Variants in DRGX observed in about 807,000 individuals in gnomAD.
DRGX encodes dorsal root ganglia homeobox protein.
In DRGX, 21 loss-of-function variants were observed where a neutral mutation model predicts 28.6. That is an observed-to-expected ratio of 0.73 (90% CI 0.52 to 1.06). The LOEUF is 1.06. Ranked by LOEUF, DRGX falls within the 50% of genes least tolerant of loss-of-function variation. The probability of loss-of-function intolerance (pLI) is 0.00; values close to 1 mark genes in which losing one functional copy is unlikely to be tolerated. For synonymous variants in DRGX, 136 were observed against 139.1 expected, an observed-to-expected ratio of 0.98 and a Z score of 0.16; for missense variants, 354 against 343.9, an observed-to-expected ratio of 1.03 and a Z score of -0.23.
At chr10:49,368,868 A>G (rs1489169561) in intron 6 of DRGX, among the ~76,000 whole-genome samples, 2 of 152,260 alleles carry the variant, frequency 1.3e-5, no homozygotes, top group Non-Finnish European at 2.9e-5. Flanking sequence ...GGAAGGCTAA[A>G]GACAGGCACA....
At position 49,365,174 on chromosome 10, in the gene DRGX, GC is replaced by G. The variant is rs746726147; in HGVS notation, c.*941del. The G allele has an allele frequency of 1.9e-4, 29 of 152,290 alleles. No homozygotes were observed. Among genetic ancestry groups the G allele is most frequent in the Non-Finnish European group, 4.0e-4 (27 of 68,044 alleles). 9.4% of individuals were successfully genotyped at this position (152,290 alleles called of 1,614,324 possible). The stretch of plus-strand genomic sequence containing the variant: ...AGTAAAAAACCACCACCACTGAAGA[GC>G]CCCCTCTACGTGCCAGGCATGTGGG... On this transcript the variant is annotated 3_prime_UTR_variant, in exon 7 of 7. Transcript: ENST00000374139.
At chr10:49,385,993 A>G (rs1157299326) in intron 6 of DRGX, among the ~76,000 whole-genome samples, 1 of 152,172 alleles carries the variant, frequency 6.6e-6, no homozygotes, top group African/African-American at 2.4e-5. Context: ...CCTTCAGATG[A>G]AACAACAGCC....
intron 6 of DRGX, among the ~76,000 whole-genome samples, chr10:49,376,429 A>G (rs1227780877): frequency 2.0e-5 from 3 of 152,094 alleles, no homozygotes; most frequent in African/African-American, 4.8e-5. Flanking sequence ...CTGGAGCCCT[A>G]TGTGCTGTCC....
At chr10:49,375,498 T>C (rs936563930) in intron 6 of DRGX, among the ~76,000 whole-genome samples, 1 of 152,232 alleles carries the variant, frequency 6.6e-6, no homozygotes, top group African/African-American at 2.4e-5. Context: ...TTAACCAATC[T>C]GATTAATGTC....
At chr10:49,392,724 C>G (rs1008366701) in intron 2 of DRGX, among the ~76,000 whole-genome samples, 1 of 152,100 alleles carries the variant, frequency 6.6e-6, no homozygotes, top group Non-Finnish European at 1.5e-5. Context: ...AAAGGGCTGA[C>G]AGTTCACCAA....
At chr10:49,381,924 A>G (rs1461114779) in intron 6 of DRGX, among the ~76,000 whole-genome samples, 1 of 152,226 alleles carries the variant, frequency 6.6e-6, no homozygotes, top group Non-Finnish European at 1.5e-5. Context: ...CTGGGAGCTG[A>G]AAACAACTCT....
intron 6 of DRGX, among the ~76,000 whole-genome samples, chr10:49,370,020 G>A (rs1436049656): frequency 3.3e-5 from 5 of 152,158 alleles, no homozygotes; most frequent in African/African-American, 7.2e-5. Context: ...GTTTTCACAC[G>A]TCCCTCCAGC....
At chr10:49,372,802 C>A (rs1849674244) in intron 6 of DRGX, among the ~76,000 whole-genome samples, 1 of 152,220 alleles carries the variant, frequency 6.6e-6, no homozygotes, top group Non-Finnish European at 1.5e-5. Flanking sequence ...AAGCCGTACA[C>A]TTTTTCACAG....
At chr10:49,395,264 G>A in intron 2 of DRGX, 143 bp downstream of exon 2, 1 of 986,750 alleles carries the variant, frequency 1.0e-6, no homozygotes, top group Non-Finnish European at 1.5e-6. Context: ...GTAGGGAGGG[G>A]TCCAGGGAGG....
chr10:49,371,232 C>T (rs1452872940), intron 6 of DRGX, among the ~76,000 whole-genome samples: 1 of 152,172 alleles, frequency 6.6e-6, no homozygotes, highest in African/African-American at 2.4e-5. Context: ...GGACCCTGAA[C>T]ACTGCTGAGA....
chr10:49,390,237 G>A lies in DRGX; in HGVS notation c.133-3C>T, dbSNP rs760857363. 3 of 1,605,316 alleles carry A rather than the reference G, an allele frequency of 1.9e-6. No homozygotes were observed. Among genetic ancestry groups the A allele is most frequent in the South Asian group, 2.2e-5 (2 of 88,914 alleles). ...AAAACGGCCTCGAGAGCTTCCAGCT[G>A]GTAAAAGGAAAAAATATGTACTGGT... On this transcript the variant is annotated splice_polypyrimidine_tract_variant and splice_region_variant and intron_variant, in intron 3 of 6. Coordinates refer to ENST00000374139, the MANE Select transcript of DRGX (RefSeq NM_001276451.2).
At position 49,366,081 on chromosome 10, in the gene DRGX, G is replaced by C. The variant is rs138046893; in HGVS notation, c.*35C>G. 5,676 of 1,511,368 alleles carry C rather than the reference G, an allele frequency of 3.8e-3. 23 individuals are homozygous for C. The highest frequency in any genetic ancestry group is 4.4e-3 in the Non-Finnish European group (5,016 of 1,129,146). The allele number at this position is 1,511,368 out of a possible 1,614,324, so 93.6% of individuals were successfully genotyped here. ...GGCTGAGGCTGGGAGAAGGAGGGGCGGGGGAGGGCAGGCCGGGCGGGGCAC... is the reference window on the plus strand; with the variant it reads ...GGCTGAGGCTGGGAGAAGGAGGGGCCGGGGAGGGCAGGCCGGGCGGGGCAC... On this transcript the variant is annotated 3_prime_UTR_variant, in exon 7 of 7. Transcript: ENST00000374139.
chr10:49,365,046 C>T lies in DRGX; in HGVS notation c.*1070G>A, dbSNP rs990562512. 2 of 152,210 alleles carry T rather than the reference C, an allele frequency of 1.3e-5. No individual in the cohort carries two copies. The highest frequency in any genetic ancestry group is 4.8e-5 in the African/African-American group (2 of 41,440). 9.4% of individuals were successfully genotyped at this position (152,210 alleles called of 1,614,324 possible). A position where few individuals can be genotyped will look rare whatever the true frequency, so the allele number is the denominator to read the frequency against. ...AAACAGAAATCTCTGTGAAATTTGG[C>T]CCTTTGGAATTAATGCTCTCCACAC... On this transcript the variant is annotated 3_prime_UTR_variant, in exon 7 of 7. Transcript: ENST00000374139.
intron 4 of DRGX, 95 bp from the exon 5 acceptor site, chr10:49,386,953 G>T: frequency 7.2e-7 from 1 of 1,391,734 alleles, no homozygotes; most frequent in Non-Finnish European, 9.5e-7. Flanking sequence ...AGCTCACCCT[G>T]CAGCCTCCTC....
chr10:49,368,453 G>C (rs750719630), intron 6 of DRGX, among the ~76,000 whole-genome samples: 4 of 152,226 alleles, frequency 2.6e-5, no homozygotes, highest in Non-Finnish European at 4.4e-5. Flanking sequence ...TCATGCTTTT[G>C]GTCAAACCCC....
intron 6 of DRGX, among the ~76,000 whole-genome samples, chr10:49,370,470 A>AC (rs1849647731): frequency 6.6e-6 from 1 of 152,120 alleles, no homozygotes; most frequent in Non-Finnish European, 1.5e-5. Flanking sequence ...CCTCATCTGC[A>AC]CCCCAAGCCT....
intron 6 of DRGX, among the ~76,000 whole-genome samples, chr10:49,367,641 C>T (rs544192968): frequency 5.8e-4 from 88 of 152,296 alleles, no homozygotes; most frequent in African/African-American, 2.0e-3. Flanking sequence ...TTCTCACCCA[C>T]GTGTTGCCTC....
intron 1 of DRGX, 108 bp from the exon 2 acceptor site, chr10:49,395,629 T>C (rs900208462): frequency 1.6e-5 from 11 of 669,588 alleles, no homozygotes; most frequent in Non-Finnish European, 7.8e-6. Flanking sequence ...CCCAACGCCC[T>C]CATCTCACTG....
chr10:49,370,153 C>A (rs1469964167), intron 6 of DRGX, among the ~76,000 whole-genome samples: 1 of 152,168 alleles, frequency 6.6e-6, no homozygotes, highest in East Asian at 1.9e-4. Context: ...ACCTGTAAAA[C>A]CAGCACTTTG....
Sources: allele counts gnomAD v4.1 joint callset (sites outside exome capture counted in the v4.1 genomes callset), GRCh38; gene constraint gnomAD v4.1.1; transcripts MANE v1.5; gene names NCBI Gene and HGNC (gene_info 2026-07-23, HGNC 2026-07-21).